ANO6: variants seen among roughly 807,000 people sequenced by gnomAD.
ANO6 encodes the protein anoctamin-6.
In ANO6, 106 loss-of-function variants were observed where a neutral mutation model predicts 117.5. The observed-to-expected ratio is 0.90, with a 90% confidence interval of 0.77 to 1.06. ANO6 has a LOEUF of 1.06. Among genes scored for constraint, ANO6 ranks in the 50% least tolerant of loss-of-function variants. ANO6 has a pLI of 0.00. For missense variants in ANO6, 955 were observed against 1,121.1 expected (o/e 0.85, Z 2.12); for synonymous variants, 367 against 385.1 (o/e 0.95, Z 0.55).
At chr12:45,367,413 G>T (rs1941713810) in intron 8 of ANO6, among the ~76,000 whole-genome samples, 2 of 152,084 alleles carry the variant, frequency 1.3e-5, no homozygotes, top group South Asian at 4.2e-4. Context: ...TATTTTACTT[G>T]ACATACAATG....
chr12:45,241,631 G>T (rs769554411), intron 1 of ANO6, among the ~76,000 whole-genome samples: 4 of 152,160 alleles, frequency 2.6e-5, no homozygotes, highest in African/African-American at 9.7e-5. Context: ...GAGAACAGGC[G>T]CTCTGGTTTT....
chr12:45,425,390 A>C (rs777304609), intron 19 of ANO6, among the ~76,000 whole-genome samples: 1 of 152,232 alleles, frequency 6.6e-6, no homozygotes, highest in Non-Finnish European at 1.5e-5. Flanking sequence ...TTCACAGATC[A>C]GAAAGCATGA....
rs143494717 is a variant in ANO6 at position 45,421,126 on chromosome 12, C to T, written c.2273C>T (p.Ser758Phe). 6 of 1,614,186 alleles carry T rather than the reference C, an allele frequency of 3.7e-6. No homozygotes were observed. The highest frequency in any genetic ancestry group is 5.1e-6 in the Non-Finnish European group (6 of 1,180,018). The change falls in exon 18 of 20, where the codon TCC (serine) becomes TTC (phenylalanine). Residue 758 changes from serine (S) to phenylalanine (F), a missense_variant. Coordinates refer to ENST00000320560, the MANE Select transcript of ANO6 (RefSeq NM_001025356.3). The part of the protein sequence containing the change: ...DMIPRLVYYW[S>F]FSVPPYGDHT... The stretch of plus-strand genomic sequence containing the variant: ...ATCCCCCGCCTAGTGTACTACTGGT[C>T]CTTCTCCGTCCCTCCCTACGGGGAC...
chr12:45,304,290 G>A (rs1939593571), intron 2 of ANO6, among the ~76,000 whole-genome samples: 1 of 152,182 alleles, frequency 6.6e-6, no homozygotes, highest in Non-Finnish European at 1.5e-5. Context: ...GTAGGCAGAA[G>A]CTTACAGCGT....
chr12:45,314,197 T>C (rs1417273480), intron 2 of ANO6, among the ~76,000 whole-genome samples: 1 of 152,024 alleles, frequency 6.6e-6, no homozygotes, highest in African/African-American at 2.4e-5. Flanking sequence ...AGAGTGTGCT[T>C]TTGAAATATG....
intron 2 of ANO6, chr12:45,313,296 C>A (rs909802305): frequency 6.6e-6 from 1 of 152,022 alleles, no homozygotes. Flanking sequence ...GCTCTCAGAC[C>A]TCTGTGGACA....
intron 2 of ANO6, among the ~76,000 whole-genome samples, chr12:45,306,313 A>T (rs1168839121): frequency 1.3e-5 from 2 of 152,210 alleles, no homozygotes; most frequent in Non-Finnish European, 2.9e-5. Context: ...AGTCTCTACG[A>T]AATTTGGAAT....
At chr12:45,233,322 A>G (rs1042084001) in intron 1 of ANO6, among the ~76,000 whole-genome samples, 1 of 152,204 alleles carries the variant, frequency 6.6e-6, no homozygotes, top group Non-Finnish European at 1.5e-5. Flanking sequence ...GTGATATGGA[A>G]GATGCAAATT....
Position 45,320,604 on chromosome 12 carries a change from G to A in ANO6, c.151-10691G>A, listed in dbSNP as rs140776766. 9.1e-3 allele frequency among the ~76,000 whole-genome samples: 1,388 copies of A among 152,234 alleles called. 10 individuals carry two copies. The highest frequency in any genetic ancestry group is 0.014 in the Non-Finnish European group (962 of 68,024). On this transcript the variant is annotated intron_variant, in intron 2 of 19. Coordinates refer to ENST00000320560, the MANE Select transcript of ANO6 (RefSeq NM_001025356.3). ...GAAGAATGTATATTCTGTTGATTTGGGGTGGAGAGTTCTGTAGCTATCTAT... is the reference window on the plus strand; with the variant it reads ...GAAGAATGTATATTCTGTTGATTTGAGGTGGAGAGTTCTGTAGCTATCTAT...
intron 6 of ANO6, among the ~76,000 whole-genome samples, chr12:45,350,330 G>C (rs1002589660): frequency 6.6e-6 from 1 of 152,090 alleles, no homozygotes; most frequent in Non-Finnish European, 1.5e-5. Context: ...GGTGATTTGG[G>C]CACTTGGGTG....
intron 2 of ANO6, among the ~76,000 whole-genome samples, chr12:45,306,694 G>A (rs544078713): frequency 3.3e-5 from 5 of 151,820 alleles, no homozygotes; most frequent in Non-Finnish European, 5.9e-5. Context: ...ATATTCATTC[G>A]ATATCTACTA....
In ANO6 at chr12:45,308,048, AT is replaced by A. The variant is rs1218638312; in HGVS notation, c.150+5979del. Among the ~76,000 whole-genome samples the A allele has an allele frequency of 9.1e-3, 631 of 69,210 alleles. 4 individuals carry two copies. Among genetic ancestry groups the A allele is most frequent in the African/African-American group, 0.031 (564 of 18,248 alleles). 45.4% of individuals were successfully genotyped at this position (69,210 alleles called of 152,430 possible). On this transcript the variant is annotated intron_variant, in intron 2 of 19. Coordinates refer to ENST00000320560, the MANE Select transcript of ANO6 (RefSeq NM_001025356.3). ...GTGTGTGTCTGTGTGTGTGTGTGTAATTTTTTTTTTTTTTTTTTTTTTTTGC... is the reference window on the plus strand; with the variant it reads ...GTGTGTGTCTGTGTGTGTGTGTGTAATTTTTTTTTTTTTTTTTTTTTTTGC...
chr12:45,327,181 G>C (rs1940497573), intron 2 of ANO6, among the ~76,000 whole-genome samples: 2 of 152,020 alleles, frequency 1.3e-5, no homozygotes. Flanking sequence ...AAAAAAAAGA[G>C]TATTTCATTT....
At chr12:45,216,524 G>C in intron 1 of ANO6, 133 bp downstream of exon 1, 1 of 1,021,778 alleles carries the variant, frequency 9.8e-7, no homozygotes, top group Non-Finnish European at 1.4e-6. Context: ...GGGCAGGGGA[G>C]GAAGCCCGCT....
chr12:45,439,731 C>T (rs1943749552), exon 20 of ANO6: 6 of 1,544,026 alleles, frequency 3.9e-6, no homozygotes, highest in Non-Finnish European at 4.4e-6. Context: ...CTCACTGCAA[C>T]CTCCGCCTCC....
In ANO6 at chr12:45,429,306, G is replaced by A; in HGVS notation, c.2728G>A (p.Glu910Lys). The A allele has an allele frequency of 1.2e-6, 2 of 1,613,212 alleles. No homozygotes were observed. Among genetic ancestry groups the A allele is most frequent in the Non-Finnish European group, 1.7e-6 (2 of 1,179,636 alleles). Residue 910 changes from glutamate to lysine, a missense_variant, in exon 20 of 20, where the codon GAA (glutamate) becomes AAA (lysine). Physicochemically the swap from Glu to Lys is moderately conservative, Grantham distance 56 (BLOSUM62 1). Coordinates refer to ENST00000320560, the MANE Select transcript of ANO6 (RefSeq NM_001025356.3). The stretch of plus-strand genomic sequence containing the variant: ...AGATAACAATTTACGGCCAAAATCA[G>A]AATAAGAGCTTTATGTTCTGAGAAG... ...AVDNNLRPKS[E>K]
At chr12:45,320,418 G>A (rs1661695325) in intron 2 of ANO6, among the ~76,000 whole-genome samples, 2 of 152,142 alleles carry the variant, frequency 1.3e-5, no homozygotes, top group South Asian at 4.1e-4. Context: ...TTTCCATGTA[G>A]TTGAGCGGTT....
chr12:45,221,905 G>A (rs1026567947), intron 1 of ANO6, among the ~76,000 whole-genome samples: 1 of 136,118 alleles, frequency 7.3e-6, no homozygotes, highest in Admixed American at 7.8e-5. Flanking sequence ...TTTGGGAGAC[G>A]TTGTCTTGCT....
intron 2 of ANO6, among the ~76,000 whole-genome samples, chr12:45,318,506 A>G (rs577533712): frequency 6.6e-6 from 1 of 152,312 alleles, no homozygotes; most frequent in Admixed American, 6.5e-5. Flanking sequence ...TACCAGTACC[A>G]TGCCGTTTTG....
Sources: allele counts gnomAD v4.1 joint callset (sites outside exome capture counted in the v4.1 genomes callset), GRCh38; gene constraint gnomAD v4.1.1; transcripts MANE v1.5; gene names NCBI Gene and HGNC (gene_info 2026-07-23, HGNC 2026-07-21).